The following CORIN variants were observed in gnomAD, a reference collection of about 807,000 sequenced individuals.
CORIN encodes the protein atrial natriuretic peptide-converting enzyme.
Under a neutral mutation model 125.3 loss-of-function variants are expected in CORIN, and 117 were observed. The observed-to-expected ratio is 0.93, with a 90% CI of 0.80 to 1.09. The LOEUF (loss-of-function observed/expected upper bound fraction) is 1.09. Among genes scored for constraint, CORIN ranks in the 50% least tolerant of loss-of-function variants. CORIN has a pLI of 0.00. For synonymous variants in CORIN, 450 were observed against 466.4 expected (o/e 0.96, Z 0.45); for missense variants, 1,253 against 1,306.7 (o/e 0.96, Z 0.63).
In CORIN at chr4:47,806,936, C is replaced by T. The variant is rs202244872; in HGVS notation, c.175G>A (p.Val59Ile). 93 of 1,613,642 alleles carry T rather than the reference C, an allele frequency of 5.8e-5. No homozygotes were observed. The highest frequency in any genetic ancestry group is 7.6e-5 in the Non-Finnish European group (90 of 1,179,772). Residue 59 changes from valine to isoleucine, a missense_variant, in exon 2 of 22, where the codon GTT becomes ATT. Transcript: ENST00000273857. Reference protein sequence around the residue: ...LVLIPCICALVLLLVILLSYV... With the variant: ...LVLIPCICALILLLVILLSYV... ...GAAAGCAGGATCACCAGCAAGAGAA[C>T]GAGAGCACAGATACATGGAATCAGG...
intron 12 of CORIN, among the ~76,000 whole-genome samples, chr4:47,654,845 G>A (rs754987926): frequency 2.0e-5 from 3 of 151,926 alleles, no homozygotes; most frequent in Non-Finnish European, 4.4e-5. Flanking sequence ...GTGGCCAAGA[G>A]AGTGCTTGTG....
At position 47,721,797 on chromosome 4, in the gene CORIN, C is replaced by T. The variant is rs547017498; in HGVS notation, c.799+22605G>A. On this transcript the variant is annotated intron_variant, in intron 5 of 21. Transcript: ENST00000273857. Reference sequence around the variant, plus strand: ...TACATAATAAATGCTCAGCAAGATACATACTATTATGATAACACTGTTATT... The same window carrying T: ...TACATAATAAATGCTCAGCAAGATATATACTATTATGATAACACTGTTATT... Among the ~76,000 whole-genome samples the T allele has an allele frequency of 8.5e-5, 13 of 152,274 alleles. No individual in the cohort carries two copies. The East Asian group carries it at 2.3e-3, about 27-fold the overall frequency.
intron 10 of CORIN, among the ~76,000 whole-genome samples, chr4:47,670,502 C>G (rs1161579103): frequency 6.6e-6 from 1 of 152,108 alleles, no homozygotes; most frequent in African/African-American, 2.4e-5. Flanking sequence ...ATTGCTAGAC[C>G]CTTAGGGAAT....
intron 5 of CORIN, among the ~76,000 whole-genome samples, chr4:47,721,226 C>G (rs1727334609): frequency 6.6e-6 from 1 of 151,664 alleles, no homozygotes; most frequent in Non-Finnish European, 1.5e-5. Context: ...CTTCTAGGAG[C>G]ACTTCTAATC....
At chr4:47,652,191 A>C (rs955333123) in intron 13 of CORIN, among the ~76,000 whole-genome samples, 1 of 152,194 alleles carries the variant, frequency 6.6e-6, no homozygotes, top group African/African-American at 2.4e-5. Flanking sequence ...GCTTCTAAAA[A>C]CACTGTACAT....
At chr4:47,757,894 A>G (rs1207364568) in intron 4 of CORIN, among the ~76,000 whole-genome samples, 1 of 144,924 alleles carries the variant, frequency 6.9e-6, no homozygotes, top group Admixed American at 6.9e-5. Flanking sequence ...ATATATATAT[A>G]TATATATATA....
At chr4:47,683,942 A>G (rs76451053) in intron 6 of CORIN, 104 bp from the exon 7 acceptor site, 1 of 758,540 alleles carries the variant, frequency 1.3e-6, no homozygotes, top group African/African-American at 1.7e-5. Context: ...CCCTAATGGT[A>G]ACCTGGTCCA....
At chr4:47,796,018 A>C (rs1055857838) in intron 2 of CORIN, among the ~76,000 whole-genome samples, 3 of 152,102 alleles carry the variant, frequency 2.0e-5, no homozygotes, top group African/African-American at 7.2e-5. Flanking sequence ...GTTAGTAGGA[A>C]TGTAAATTGA....
chr4:47,832,268 AT>A (rs2109992480), intron 1 of CORIN, among the ~76,000 whole-genome samples: 2 of 152,266 alleles, frequency 1.3e-5, no homozygotes, highest in Non-Finnish European at 2.9e-5. Context: ...CTTGTCAGTG[AT>A]TTATACATCA....
At chr4:47,673,963 T>C (rs1724887773) in intron 10 of CORIN, among the ~76,000 whole-genome samples, 2 of 151,460 alleles carry the variant, frequency 1.3e-5, no homozygotes, top group South Asian at 4.2e-4. Context: ...AGAGTGAGAG[T>C]GTGTCTCAAA....
At chr4:47,823,892 T>A (rs2109979430) in intron 1 of CORIN, among the ~76,000 whole-genome samples, 1 of 152,232 alleles carries the variant, frequency 6.6e-6, no homozygotes, top group Admixed American at 6.5e-5. Context: ...AACCCCATCT[T>A]AGGTTGACCT....
At chr4:47,791,847 C>A (rs1731096841) in intron 2 of CORIN, among the ~76,000 whole-genome samples, 1 of 152,188 alleles carries the variant, frequency 6.6e-6, no homozygotes, top group Non-Finnish European at 1.5e-5. Flanking sequence ...TTCATACTTA[C>A]TCTGCTGAGA....
At chr4:47,791,979 C>G (rs1731103115) in intron 2 of CORIN, among the ~76,000 whole-genome samples, 1 of 152,018 alleles carries the variant, frequency 6.6e-6, no homozygotes, top group African/African-American at 2.4e-5. Context: ...GAATGATATG[C>G]CTAGGACAAT....
chr4:47,711,736 A>G (rs1262815207), intron 5 of CORIN, among the ~76,000 whole-genome samples: 1 of 152,204 alleles, frequency 6.6e-6, no homozygotes, highest in Non-Finnish European at 1.5e-5. Context: ...GAATCTGGAG[A>G]GGGTTCATTC....
intron 16 of CORIN, among the ~76,000 whole-genome samples, chr4:47,640,125 T>C (rs968852095): frequency 6.6e-6 from 1 of 152,230 alleles, no homozygotes; most frequent in African/African-American, 2.4e-5. Flanking sequence ...ATTTGAATTT[T>C]ATATATCTAA....
chr4:47,618,543 G>C (rs887924082), intron 19 of CORIN, among the ~76,000 whole-genome samples: 1 of 150,736 alleles, frequency 6.6e-6, no homozygotes, highest in Admixed American at 6.6e-5. Flanking sequence ...GCGAGGGCTG[G>C]GCGCAGTGGC....
intron 2 of CORIN, among the ~76,000 whole-genome samples, chr4:47,787,483 T>C (rs1730870556): frequency 6.7e-6 from 1 of 149,330 alleles, no homozygotes; most frequent in Admixed American, 6.7e-5. Context: ...AGAGGGCTCA[T>C]ACATTTATCA....
In CORIN at chr4:47,680,219, C is replaced by G. The variant is rs1388599712; in HGVS notation, c.1054G>C (p.Asp352His). The G allele has an allele frequency of 1.9e-6, 3 of 1,613,868 alleles. No homozygotes were observed. The highest frequency in any genetic ancestry group is 2.7e-5 in the African/African-American group (2 of 74,934). Residue 352 changes from aspartate to histidine, a missense_variant, in exon 8 of 22, where the codon GAC becomes CAC. Physicochemically the swap from Asp to His is moderately conservative, Grantham distance 81. Coordinates refer to ENST00000273857, the MANE Select transcript of CORIN (RefSeq NM_006587.4). ...CNPTTEHRCG[D>H]GRCIAMEWVC... is the part of the protein sequence containing the mutation. ...CACTCCATGGCGATGCAGCGCCCGTCCCCGCAGCGATGCTCTGTTGTGGGA... is the reference window on the plus strand; with the variant it reads ...CACTCCATGGCGATGCAGCGCCCGTGCCCGCAGCGATGCTCTGTTGTGGGA...
chr4:47,836,894 T>C (rs1357385545), intron 1 of CORIN, among the ~76,000 whole-genome samples: 1 of 152,216 alleles, frequency 6.6e-6, no homozygotes, highest in African/African-American at 2.4e-5. Context: ...CCTCTCTGCC[T>C]GCAGCTAGCG....
Sources: allele counts gnomAD v4.1 joint callset (sites outside exome capture counted in the v4.1 genomes callset), GRCh38; gene constraint gnomAD v4.1.1; transcripts MANE v1.5; gene names NCBI Gene and HGNC (gene_info 2026-07-23, HGNC 2026-07-21).